Variants in NSMCE2 observed in about 807,000 individuals in gnomAD.
The protein encoded by NSMCE2 is NSE2 SUMO ligase component of SMC5/6 complex.
Under a neutral mutation model 23.8 loss-of-function variants are expected in NSMCE2, and 24 were observed. That is an observed-to-expected ratio of 1.01 (90% confidence interval 0.73 to 1.42). The LOEUF (loss-of-function observed/expected upper bound fraction) is 1.42, where lower values mean the gene tolerates loss of function less well. Ranked by LOEUF, NSMCE2 falls within the 40% of genes most tolerant of loss-of-function variation. The probability of loss-of-function intolerance (pLI) is 0.00; values close to 1 mark genes in which losing one functional copy is unlikely to be tolerated. For synonymous variants in NSMCE2, 92 were observed against 94.1 expected, an observed-to-expected ratio of 0.98 and a Z score of 0.13; for missense variants, 284 against 296.5, an observed-to-expected ratio of 0.96 and a Z score of 0.31.
intron 5 of NSMCE2, among the ~76,000 whole-genome samples, chr8:125,340,040 A>C (rs1586793589): frequency 1.0e-5 from 1 of 97,056 alleles, no homozygotes; most frequent in Non-Finnish European, 1.9e-5. Context: ...TTTGAGACGG[A>C]GTCTCGCTCT....
At chr8:125,164,269 G>A (rs7839038) in intron 4 of NSMCE2, among the ~76,000 whole-genome samples, 4,743 of 152,250 alleles carry the variant, frequency 0.031, 248 homozygotes, top group African/African-American at 0.11. Flanking sequence ...AGAAGGTTAA[G>A]GGACTTGCGC....
chr8:125,253,573 A>T (rs1324228913), intron 5 of NSMCE2, among the ~76,000 whole-genome samples: 1 of 152,198 alleles, frequency 6.6e-6, no homozygotes, highest in African/African-American at 2.4e-5. Context: ...CAGATGTTAT[A>T]CTGGATGAAA....
chr8:125,264,494 C>T (rs973929894), intron 5 of NSMCE2, among the ~76,000 whole-genome samples: 1 of 152,288 alleles, frequency 6.6e-6, no homozygotes, highest in East Asian at 1.9e-4. Flanking sequence ...GCAGTCTCTG[C>T]CTCCTGGGTT....
intron 5 of NSMCE2, chr8:125,270,947 T>C (rs972442117): frequency 6.6e-6 from 1 of 151,946 alleles, no homozygotes; most frequent in African/African-American, 2.4e-5. Context: ...GAGGGAAAAG[T>C]GGAGGCAGGG....
At chr8:125,324,820 C>T (rs1395449771) in intron 5 of NSMCE2, among the ~76,000 whole-genome samples, 2 of 60,796 alleles carry the variant, frequency 3.3e-5, no homozygotes, top group Non-Finnish European at 1.0e-4. Context: ...GTGATCCGCC[C>T]GCCTCGGCCT....
At chr8:125,327,422 G>A (rs1016768477) in intron 5 of NSMCE2, among the ~76,000 whole-genome samples, 3 of 152,092 alleles carry the variant, frequency 2.0e-5, no homozygotes, top group African/African-American at 7.2e-5. Flanking sequence ...TGTCTTTTTA[G>A]GAGGCTTTAA....
At chr8:125,175,697 C>T (rs1004999835) in intron 4 of NSMCE2, among the ~76,000 whole-genome samples, 7 of 151,898 alleles carry the variant, frequency 4.6e-5, no homozygotes, top group African/African-American at 1.5e-4. Context: ...CCCAGTGAAA[C>T]GATGGTTATA....
intron 5 of NSMCE2, among the ~76,000 whole-genome samples, chr8:125,192,329 GTT>G (rs34715537): frequency 5.6e-5 from 8 of 143,044 alleles, no homozygotes; most frequent in East Asian, 2.0e-4. Flanking sequence ...TTTTTAAAAG[GTT>G]TTTTTTTTTT....
intron 7 of NSMCE2, among the ~76,000 whole-genome samples, chr8:125,360,907 T>G (rs955019467): frequency 3.9e-5 from 6 of 152,174 alleles, no homozygotes; most frequent in Admixed American, 2.0e-4. Flanking sequence ...CTGTGCAAGC[T>G]TCAGGCCCTG....
At chr8:125,122,496 A>C (rs1192763526) in intron 3 of NSMCE2, among the ~76,000 whole-genome samples, 3 of 152,190 alleles carry the variant, frequency 2.0e-5, no homozygotes, top group Non-Finnish European at 2.9e-5. Flanking sequence ...AGCCTGGTTT[A>C]AGTGCCATCA....
At chr8:125,329,196 C>T (rs529832890) in intron 5 of NSMCE2, among the ~76,000 whole-genome samples, 12 of 152,344 alleles carry the variant, frequency 7.9e-5, no homozygotes, top group South Asian at 6.2e-4. Context: ...TCCCCAGCAG[C>T]GGGCAATCCT....
chr8:125,310,224 T>C (rs1477354902), intron 5 of NSMCE2, among the ~76,000 whole-genome samples: 3 of 152,038 alleles, frequency 2.0e-5, no homozygotes, highest in Non-Finnish European at 4.4e-5. Context: ...ATAAGGAAAA[T>C]ACATAACTCA....
intron 5 of NSMCE2, among the ~76,000 whole-genome samples, chr8:125,202,646 A>G (rs916697997): frequency 5.9e-5 from 9 of 152,232 alleles, no homozygotes; most frequent in Non-Finnish European, 1.2e-4. Flanking sequence ...AAACTGTCAT[A>G]TACTCCCCAA....
chr8:125,207,026 C>G (rs529053963), intron 5 of NSMCE2, among the ~76,000 whole-genome samples: 79 of 152,244 alleles, frequency 5.2e-4, no homozygotes, highest in African/African-American at 1.8e-3. Context: ...GTTGAATTTC[C>G]TATTACCAAG....
intron 5 of NSMCE2, among the ~76,000 whole-genome samples, chr8:125,221,567 A>G (rs943558474): frequency 1.3e-5 from 2 of 152,226 alleles, no homozygotes; most frequent in African/African-American, 2.4e-5. Context: ...CCATAGACAT[A>G]TTATAGGTTG....
chr8:125,118,481 T>A (rs1396103785), intron 3 of NSMCE2, among the ~76,000 whole-genome samples: 10 of 152,196 alleles, frequency 6.6e-5, no homozygotes. Flanking sequence ...TCTGAGAAGT[T>A]CCCAGGGTCT....
chr8:125,097,459 G>A (rs986406631), intron 1 of NSMCE2, among the ~76,000 whole-genome samples: 1 of 152,082 alleles, frequency 6.6e-6, no homozygotes, highest in Non-Finnish European at 1.5e-5. Flanking sequence ...TCATCTCATC[G>A]TTTACTACCT....
At chr8:125,257,526 T>C (rs1234636608) in intron 5 of NSMCE2, among the ~76,000 whole-genome samples, 18 of 75,810 alleles carry the variant, frequency 2.4e-4, no homozygotes, top group African/African-American at 1.7e-3. Context: ...ATTTCTCTTT[T>C]TTTTTTTTTT....
intron 3 of NSMCE2, among the ~76,000 whole-genome samples, chr8:125,111,340 G>C (rs1189399231): frequency 6.6e-6 from 1 of 152,046 alleles, no homozygotes; most frequent in East Asian, 1.9e-4. Context: ...GTGCTTTGGG[G>C]GTAAGATTCT....
Sources: allele counts gnomAD v4.1 joint callset (sites outside exome capture counted in the v4.1 genomes callset), GRCh38; gene constraint gnomAD v4.1.1; transcripts MANE v1.5; gene names NCBI Gene and HGNC (gene_info 2026-07-23, HGNC 2026-07-21).